The following MAGI2 variants were observed in gnomAD, a reference collection of about 807,000 sequenced individuals.
MAGI2 encodes the protein membrane associated guanylate kinase, WW and PDZ domain containing 2.
MAGI2 carries 35 observed loss-of-function variants against 133.3 expected under a neutral mutation model. The ratio of observed to expected loss-of-function variants is 0.26; its 90% CI spans 0.20 to 0.35. The LOEUF (loss-of-function observed/expected upper bound fraction) is 0.35, where lower values mean the gene tolerates loss of function less well. Ranked by LOEUF, MAGI2 falls within the 10% of genes least tolerant of loss-of-function variation. The pLI is 1.00. For missense variants in MAGI2, 1,636 were observed against 1,863.4 expected (o/e 0.88, Z 2.25); for synonymous variants, 729 against 710.6 (o/e 1.03, Z -0.41).
At chr7:78,827,405 A>G (rs899413142) in intron 2 of MAGI2, among the ~76,000 whole-genome samples, 2 of 152,106 alleles carry the variant, frequency 1.3e-5, no homozygotes, top group South Asian at 4.1e-4. Flanking sequence ...CAGCCTCCTG[A>G]ATAGCTAGGA....
rs112077436 is a variant in MAGI2, at chr7:78,827,540, G to A, written c.418+179550C>T. ...AATCCTCCCGCCTTGGGTTCCTAAT[G>A]TGCTGGGAATACATGGCGGCTCACC... On this transcript the variant is annotated intron_variant, in intron 2 of 21. Coordinates refer to ENST00000354212, the MANE Select transcript of MAGI2 (RefSeq NM_012301.4). 2.5e-3 allele frequency among the ~76,000 whole-genome samples: 383 copies of A among 152,222 alleles called. 2 individuals carry two copies. Among genetic ancestry groups the A allele is most frequent in the African/African-American group, 8.3e-3 (345 of 41,544 alleles).
chr7:78,727,075 A>G (rs1820895196), intron 2 of MAGI2, among the ~76,000 whole-genome samples: 1 of 152,182 alleles, frequency 6.6e-6, no homozygotes, highest in South Asian at 2.1e-4. Flanking sequence ...TGTCAGACTG[A>G]CATTGACTTA....
chr7:78,366,036 G>T (rs1364010288), intron 7 of MAGI2, among the ~76,000 whole-genome samples: 1 of 152,088 alleles, frequency 6.6e-6, no homozygotes, highest in African/African-American at 2.4e-5. Context: ...TTTGCTACTG[G>T]GTTGGAAGGT....
intron 19 of MAGI2, among the ~76,000 whole-genome samples, chr7:78,126,396 T>C (rs1386200394): frequency 6.6e-6 from 1 of 152,210 alleles, no homozygotes; most frequent in Non-Finnish European, 1.5e-5. Context: ...CTTAAAATCT[T>C]TGGGCATAAA....
intron 2 of MAGI2, among the ~76,000 whole-genome samples, chr7:78,907,940 G>A (rs1168602158): frequency 6.6e-6 from 1 of 152,162 alleles, no homozygotes; most frequent in Non-Finnish European, 1.5e-5. Context: ...TCTGAGGGAT[G>A]TAAAGAGACT....
chr7:79,185,682 A>C (rs548926166), intron 1 of MAGI2, among the ~76,000 whole-genome samples: 3 of 151,932 alleles, frequency 2.0e-5, no homozygotes, highest in Middle Eastern at 6.8e-3. Flanking sequence ...TACATGATGA[A>C]TATAACAGGT....
At chr7:78,910,147 C>T (rs956457286) in intron 2 of MAGI2, among the ~76,000 whole-genome samples, 2 of 149,718 alleles carry the variant, frequency 1.3e-5, no homozygotes, top group Admixed American at 6.7e-5. Context: ...GGGTGGGTGG[C>T]GAGGGGAGGG....
intron 21 of MAGI2, among the ~76,000 whole-genome samples, chr7:78,069,941 G>C (rs1814309057): frequency 2.0e-5 from 3 of 151,984 alleles, no homozygotes; most frequent in African/African-American, 7.2e-5. Context: ...GGTTTTCCAA[G>C]ATGTACATGG....
At chr7:79,274,388 T>A (rs1342919948) in intron 1 of MAGI2, among the ~76,000 whole-genome samples, 2 of 151,940 alleles carry the variant, frequency 1.3e-5, no homozygotes, top group African/African-American at 4.8e-5. Context: ...GAGGGGGCTA[T>A]CCTGGAATTT....
intron 1 of MAGI2, among the ~76,000 whole-genome samples, chr7:79,188,745 A>C (rs1827388424): frequency 6.6e-6 from 1 of 151,882 alleles, no homozygotes; most frequent in Non-Finnish European, 1.5e-5. Flanking sequence ...AATTTATGTA[A>C]GCAATGAATT....
chr7:79,275,292 C>G (rs913653000), intron 1 of MAGI2, among the ~76,000 whole-genome samples: 1 of 152,042 alleles, frequency 6.6e-6, no homozygotes, highest in African/African-American at 2.4e-5. Context: ...GATAAGAAGT[C>G]AAAACAGCCT....
intron 2 of MAGI2, among the ~76,000 whole-genome samples, chr7:78,767,184 T>G (rs1723336116): frequency 6.6e-6 from 1 of 151,944 alleles, no homozygotes; most frequent in African/African-American, 2.4e-5. Flanking sequence ...TAGAGACGGG[T>G]TTCACCATGT....
chr7:78,632,426 C>G (rs1447209393), intron 2 of MAGI2, among the ~76,000 whole-genome samples: 1 of 152,058 alleles, frequency 6.6e-6, no homozygotes, highest in Non-Finnish European at 1.5e-5. Flanking sequence ...GAGCAGAGAC[C>G]CACAATACTT....
chr7:79,400,639 T>C (rs539212655), intron 1 of MAGI2, among the ~76,000 whole-genome samples: 1 of 152,326 alleles, frequency 6.6e-6, no homozygotes, highest in South Asian at 2.1e-4. Flanking sequence ...ATGATATACA[T>C]TGTAACTCCT....
intron 1 of MAGI2, among the ~76,000 whole-genome samples, chr7:79,305,316 C>T (rs1318894474): frequency 6.6e-6 from 1 of 152,036 alleles, no homozygotes; most frequent in East Asian, 1.9e-4. Flanking sequence ...TTGTTTTCTT[C>T]ATTGGAAGCT....
intron 1 of MAGI2, among the ~76,000 whole-genome samples, chr7:79,178,149 C>T (rs556827606): frequency 6.6e-6 from 1 of 151,930 alleles, no homozygotes; most frequent in South Asian, 2.1e-4. Context: ...CTAATTCTCT[C>T]TTTCTTGTCG....
intron 6 of MAGI2, among the ~76,000 whole-genome samples, chr7:78,443,620 G>A (rs926404356): frequency 6.6e-6 from 1 of 151,856 alleles, no homozygotes; most frequent in Non-Finnish European, 1.5e-5. Context: ...AGCCATTTTT[G>A]TATTTTTCTC....
chr7:78,493,375 C>A (rs1247156951), intron 5 of MAGI2, among the ~76,000 whole-genome samples: 6 of 152,168 alleles, frequency 3.9e-5, no homozygotes, highest in African/African-American at 1.4e-4. Flanking sequence ...CACACCATTG[C>A]AGAGTTATTC....
At chr7:78,616,762 C>T (rs973306424) in intron 3 of MAGI2, 2 of 152,122 alleles carry the variant, frequency 1.3e-5, no homozygotes, top group African/African-American at 4.8e-5. Flanking sequence ...TGGATATGCC[C>T]CAGAGTCTTG....
Sources: allele counts gnomAD v4.1 joint callset (sites outside exome capture counted in the v4.1 genomes callset), GRCh38; gene constraint gnomAD v4.1.1; transcripts MANE v1.5; gene names NCBI Gene and HGNC (gene_info 2026-07-23, HGNC 2026-07-21).